The following KCND2 variants were observed in gnomAD, a reference collection of about 807,000 sequenced individuals.
The protein encoded by KCND2 is potassium voltage-gated channel subfamily D member 2, also known as A-type voltage-gated potassium channel KCND2.
Under a neutral mutation model 54.4 loss-of-function variants are expected in KCND2, and 16 were observed. The ratio of observed to expected loss-of-function variants is 0.29; its 90% CI spans 0.20 to 0.45. The LOEUF is 0.45. Ranked by LOEUF, KCND2 falls within the 20% of genes least tolerant of loss-of-function variation. The pLI, the probability that KCND2 is intolerant of heterozygous loss-of-function variation, is 1.00. For synonymous variants in KCND2, 317 were observed against 310.7 expected (o/e 1.02, Z -0.21); for missense variants, 486 against 824.2 (o/e 0.59, Z 5.02).
chr7:120,419,550 T>C (rs1801578804), intron 1 of KCND2, among the ~76,000 whole-genome samples: 1 of 152,168 alleles, frequency 6.6e-6, no homozygotes, highest in Admixed American at 6.6e-5. Flanking sequence ...CTCCTCCAAA[T>C]GGGTGCAAAA....
intron 1 of KCND2, among the ~76,000 whole-genome samples, chr7:120,600,861 G>A (rs933011990): frequency 6.6e-6 from 1 of 151,906 alleles, no homozygotes. Flanking sequence ...CAATGAATCA[G>A]TAAATCAATG....
intron 1 of KCND2, among the ~76,000 whole-genome samples, chr7:120,640,900 G>A (rs995374088): frequency 6.6e-6 from 1 of 152,174 alleles, no homozygotes; most frequent in Non-Finnish European, 1.5e-5. Flanking sequence ...TTGGGTGTAA[G>A]TCTTTCCTTT....
chr7:120,540,453 TAGAG>T (rs980380179), intron 1 of KCND2, among the ~76,000 whole-genome samples: 1 of 152,206 alleles, frequency 6.6e-6, no homozygotes, highest in African/African-American at 2.4e-5. Context: ...AGAAGACCCA[TAGAG>T]AGCAGCTTTT....
intron 1 of KCND2, among the ~76,000 whole-genome samples, chr7:120,376,057 C>A (rs1003041245): frequency 1.1e-4 from 17 of 151,652 alleles, no homozygotes; most frequent in African/African-American, 3.9e-4. Flanking sequence ...AATTCATGTT[C>A]AATATCCTTT....
chr7:120,677,463 A>G (rs1489981851), intron 1 of KCND2, among the ~76,000 whole-genome samples: 1 of 151,714 alleles, frequency 6.6e-6, no homozygotes, highest in Non-Finnish European at 1.5e-5. Context: ...TTGAGGATAG[A>G]GGTGGATCTG....
chr7:120,413,558 A>G (rs1801480799), intron 1 of KCND2, among the ~76,000 whole-genome samples: 1 of 152,024 alleles, frequency 6.6e-6, no homozygotes, highest in Non-Finnish European at 1.5e-5. Flanking sequence ...GAATAATCTC[A>G]AACTTTTCAG....
intron 1 of KCND2, among the ~76,000 whole-genome samples, chr7:120,375,547 A>G (rs1800825146): frequency 1.3e-5 from 2 of 151,880 alleles, no homozygotes; most frequent in Non-Finnish European, 2.9e-5. Context: ...TCAAGGCTTG[A>G]TAACTGAACT....
Position 120,332,709 on chromosome 7 carries a change from A to G in KCND2, c.1115+56962A>G, listed in dbSNP as rs145244624. 4.5e-4 allele frequency among the ~76,000 whole-genome samples: 69 copies of G among 152,202 alleles called. 1 individual carries two copies. Among genetic ancestry groups the G allele is most frequent in the African/African-American group, 1.6e-3 (66 of 41,562 alleles). On this transcript the variant is annotated intron_variant, in intron 1 of 5. Transcript: ENST00000331113. ...AGGACCATATGGGTTATTGTACAAAAGAGAAACAAATTATAAAAGCTCATT... is the reference window on the plus strand; with the variant it reads ...AGGACCATATGGGTTATTGTACAAAGGAGAAACAAATTATAAAAGCTCATT...
At chr7:120,734,180 A>G (rs1792842960) in intron 2 of KCND2, among the ~76,000 whole-genome samples, 1 of 152,114 alleles carries the variant, frequency 6.6e-6, no homozygotes, top group Non-Finnish European at 1.5e-5. Context: ...CGTTTGCCTT[A>G]TTTGAACACA....
chr7:120,617,781 T>G (rs1327830147), intron 1 of KCND2, among the ~76,000 whole-genome samples: 1 of 152,164 alleles, frequency 6.6e-6, no homozygotes. Flanking sequence ...AAAGAAAATA[T>G]GGTACATGTA....
At chr7:120,386,126 G>C (rs1205923011) in intron 1 of KCND2, among the ~76,000 whole-genome samples, 1 of 152,112 alleles carries the variant, frequency 6.6e-6, no homozygotes, top group African/African-American at 2.4e-5. Context: ...GCAGACAAAA[G>C]TCAGAAGCAT....
intron 1 of KCND2, among the ~76,000 whole-genome samples, chr7:120,327,853 A>C (rs555646190): frequency 6.6e-6 from 1 of 151,970 alleles, no homozygotes; most frequent in South Asian, 2.1e-4. Context: ...ACTGAGTTAC[A>C]TGTAAAACTT....
chr7:120,678,519 C>T (rs1792097817), intron 1 of KCND2, among the ~76,000 whole-genome samples: 1 of 146,684 alleles, frequency 6.8e-6, no homozygotes, highest in African/African-American at 2.5e-5. Context: ...CATATACATA[C>T]ATACACATAA....
intron 1 of KCND2, among the ~76,000 whole-genome samples, chr7:120,427,483 G>A (rs1188445112): frequency 1.3e-5 from 2 of 152,128 alleles, no homozygotes; most frequent in Non-Finnish European, 2.9e-5. Context: ...CATCTGCAGA[G>A]GGGAAGAATG....
At chr7:120,435,480 A>G (rs1801852848) in intron 1 of KCND2, among the ~76,000 whole-genome samples, 1 of 150,586 alleles carries the variant, frequency 6.6e-6, no homozygotes, top group Non-Finnish European at 1.5e-5. Context: ...TTAGAAAGCC[A>G]TTTTTTTTTA....
intron 1 of KCND2, among the ~76,000 whole-genome samples, chr7:120,387,410 A>G (rs1231407922): frequency 3.9e-5 from 6 of 152,040 alleles, no homozygotes; most frequent in Non-Finnish European, 8.8e-5. Flanking sequence ...TAAAAAATAA[A>G]TAAGTTAAAG....
chr7:120,395,019 T>A (rs1225260225), intron 1 of KCND2, among the ~76,000 whole-genome samples: 2 of 151,902 alleles, frequency 1.3e-5, no homozygotes, highest in African/African-American at 4.8e-5. Context: ...AAGTTTAGAG[T>A]CCCTGTCATT....
chr7:120,279,798 A>G (rs547828430), intron 1 of KCND2, among the ~76,000 whole-genome samples: 146 of 152,034 alleles, frequency 9.6e-4, no homozygotes, highest in African/African-American at 3.3e-3. Flanking sequence ...TATCATATGC[A>G]TATATATGAT....
intron 1 of KCND2, among the ~76,000 whole-genome samples, chr7:120,485,894 A>T (rs1802686493): frequency 6.6e-6 from 1 of 152,188 alleles, no homozygotes; most frequent in African/African-American, 2.4e-5. Context: ...CCTGGAATAC[A>T]GAAAGTGTTT....
Sources: gnomAD v4.1 joint callset for allele counts (sites outside exome capture counted in the v4.1 genomes callset) on GRCh38, gnomAD v4.1.1 for gene constraint, MANE v1.5 for transcripts, NCBI Gene and HGNC (gene_info 2026-07-23, HGNC 2026-07-21) for gene names.